Variants in USP47 observed in about 807,000 individuals in gnomAD.
USP47 encodes ubiquitin carboxyl-terminal hydrolase 47.
In USP47, 35 loss-of-function variants were observed where a neutral mutation model predicts 165.1. The ratio of observed to expected loss-of-function variants is 0.21; its 90% confidence interval spans 0.16 to 0.28. The LOEUF (loss-of-function observed/expected upper bound fraction) is 0.28, where lower values mean the gene tolerates loss of function less well. USP47 is among the 10% of genes least tolerant of loss of function. The pLI is 1.00. For missense variants in USP47, 1,277 were observed against 1,607.4 expected (o/e 0.79, Z 3.52); for synonymous variants, 531 against 544.5 (o/e 0.98, Z 0.35).
intron 10 of USP47, among the ~76,000 whole-genome samples, chr11:11,921,912 G>C (rs746055141): frequency 7.9e-5 from 12 of 151,832 alleles, no homozygotes; most frequent in Non-Finnish European, 1.3e-4. Context: ...GAGAGATGAA[G>C]ACTGTATATT....
chr11:11,892,358 C>A (rs1444196614), intron 4 of USP47, among the ~76,000 whole-genome samples: 1 of 142,642 alleles, frequency 7.0e-6, no homozygotes, highest in Non-Finnish European at 1.5e-5. Flanking sequence ...TTAAGGAAGA[C>A]TTTTCTTTTC....
chr11:11,887,398 T>C (rs1427767454), intron 3 of USP47, among the ~76,000 whole-genome samples: 1 of 151,720 alleles, frequency 6.6e-6, no homozygotes, highest in Non-Finnish European at 1.5e-5. Flanking sequence ...ACCAAGTGAA[T>C]GGAAAACAGA....
chr11:11,935,582 T>C (rs1333865592), intron 16 of USP47, among the ~76,000 whole-genome samples: 4 of 151,966 alleles, frequency 2.6e-5, no homozygotes, highest in African/African-American at 9.7e-5. Flanking sequence ...GGGGATACGC[T>C]GAGGCTTACA....
At chr11:11,888,860 A>G (rs561578291) in intron 3 of USP47, among the ~76,000 whole-genome samples, 1 of 152,338 alleles carries the variant, frequency 6.6e-6, no homozygotes, top group African/African-American at 2.4e-5. Flanking sequence ...CACATGATCA[A>G]GTTGGCTTCA....
intron 1 of USP47, among the ~76,000 whole-genome samples, chr11:11,874,858 A>C (rs1850288432): frequency 6.6e-6 from 1 of 152,050 alleles, no homozygotes; most frequent in Non-Finnish European, 1.5e-5. Flanking sequence ...CGTGCCTGGC[A>C]GCTGATACGT....
chr11:11,861,080 A>T (rs981588351), intron 1 of USP47, among the ~76,000 whole-genome samples: 1 of 152,008 alleles, frequency 6.6e-6, no homozygotes, highest in African/African-American at 2.4e-5. Flanking sequence ...AGGTCCATCC[A>T]ACTTTATTTT....
At chr11:11,877,446 A>G (rs1850508836) in intron 1 of USP47, among the ~76,000 whole-genome samples, 1 of 152,202 alleles carries the variant, frequency 6.6e-6, no homozygotes, top group Non-Finnish European at 1.5e-5. Context: ...AATCATCCAC[A>G]ACAGAATTCA....
At chr11:11,907,893 C>T (rs1028734365) in intron 8 of USP47, among the ~76,000 whole-genome samples, 13 of 152,080 alleles carry the variant, frequency 8.5e-5, no homozygotes, top group Admixed American at 2.6e-4. Context: ...GACAGGAGTT[C>T]GAGACCAGTC....
chr11:11,879,170 T>C (rs1436086267), intron 1 of USP47, among the ~76,000 whole-genome samples: 1 of 152,150 alleles, frequency 6.6e-6, no homozygotes, highest in Admixed American at 6.6e-5. Context: ...AGGAAGCTGT[T>C]CCATAATTTT....
intron 11 of USP47, among the ~76,000 whole-genome samples, chr11:11,927,288 T>G (rs1854320345): frequency 6.6e-6 from 1 of 152,090 alleles, no homozygotes. Context: ...GAGTTTTTGT[T>G]TTTTGTTGTT....
At chr11:11,866,968 GC>G (rs2134223557) in intron 1 of USP47, among the ~76,000 whole-genome samples, 1 of 152,070 alleles carries the variant, frequency 6.6e-6, no homozygotes, top group African/African-American at 2.4e-5. Flanking sequence ...TGCGATCTTG[GC>G]TCACTGCAAC....
rs536548786 is a variant in USP47 at position 11,919,564 on chromosome 11, TCC to T, written c.970-591_970-590del. Among the ~76,000 whole-genome samples the T allele has an allele frequency of 3.2e-3, 485 of 151,930 alleles. 3 individuals are homozygous for T. Among genetic ancestry groups the T allele is most frequent in the African/African-American group, 0.011 (443 of 41,508 alleles). On this transcript the variant is annotated intron_variant, in intron 8 of 27. Coordinates refer to ENST00000527733, the MANE Select transcript of USP47 (RefSeq NM_001282659.2). ...CCACGTGGTTCTACCAAATTAACAATCCAGGATCCTCATTATACATTTCCAAA... is the reference window on the plus strand; with the variant it reads ...CCACGTGGTTCTACCAAATTAACAATAGGATCCTCATTATACATTTCCAAA...
rs150089695 is a variant in USP47 at position 11,851,950 on chromosome 11, C to G, written c.39+9726C>G. Reference sequence around the variant, plus strand: ...GGGGGCATGATGCTGATACGTACTACTGGTGATGTTAACCTTGATCACTTG... The same window carrying G: ...GGGGGCATGATGCTGATACGTACTAGTGGTGATGTTAACCTTGATCACTTG... On this transcript the variant is annotated intron_variant, in intron 1 of 27. Transcript: ENST00000527733. 5.2e-3 allele frequency among the ~76,000 whole-genome samples: 788 copies of G among 152,312 alleles called. 10 individuals are homozygous for G. Among genetic ancestry groups the G allele is most frequent in the African/African-American group, 0.018 (757 of 41,572 alleles).
chr11:11,875,297 G>A (rs79000962), intron 1 of USP47, among the ~76,000 whole-genome samples: 8,309 of 151,828 alleles, frequency 0.055, 600 homozygotes, highest in African/African-American at 0.16. Flanking sequence ...GAACATATAC[G>A]ATCAATTTTA....
intron 1 of USP47, among the ~76,000 whole-genome samples, chr11:11,861,375 C>T (rs1024297223): frequency 6.6e-5 from 10 of 152,140 alleles, no homozygotes; most frequent in African/African-American, 2.2e-4. Context: ...GGATTACAGG[C>T]GTGAGCTACC....
At chr11:11,954,876 A>G in intron 25 of USP47, 21 bp from the exon 26 acceptor site, 2 of 1,609,392 alleles carry the variant, frequency 1.2e-6, no homozygotes, top group Admixed American at 1.7e-5. Context: ...ATGAACTCAA[A>G]TAAAATGTTT....
chr11:11,897,051 A>G (rs767632204), intron 4 of USP47, among the ~76,000 whole-genome samples: 6 of 150,024 alleles, frequency 4.0e-5, no homozygotes, highest in Non-Finnish European at 7.4e-5. Context: ...CATTACTTAG[A>G]GTCTCAGCTT....
At chr11:11,885,119 A>G (rs1851070690) in intron 3 of USP47, among the ~76,000 whole-genome samples, 1 of 152,128 alleles carries the variant, frequency 6.6e-6, no homozygotes, top group African/African-American at 2.4e-5. Flanking sequence ...TGTTCAGCCC[A>G]GTTGCCTTAG....
intron 1 of USP47, among the ~76,000 whole-genome samples, chr11:11,866,506 T>C (rs879450496): frequency 3.9e-5 from 6 of 152,210 alleles, no homozygotes; most frequent in Admixed American, 3.9e-4. Context: ...GTCGTGGTGA[T>C]GAACATGATT....
Sources: gnomAD v4.1 joint callset for allele counts (sites outside exome capture counted in the v4.1 genomes callset) on GRCh38, gnomAD v4.1.1 for gene constraint, MANE v1.5 for transcripts, NCBI Gene and HGNC (gene_info 2026-07-23, HGNC 2026-07-21) for gene names.